MMP16: variants seen among roughly 807,000 people sequenced by gnomAD.
MMP16 encodes matrix metallopeptidase 16, also known as matrix metalloproteinase-16.
Under a neutral mutation model 67.8 loss-of-function variants are expected in MMP16, and 12 were observed. The observed-to-expected ratio is 0.18, with a 90% CI of 0.11 to 0.29. The LOEUF is 0.29. MMP16 is among the 10% of genes least tolerant of loss of function. MMP16 has a pLI of 1.00. For missense variants in MMP16, 475 were observed against 765.7 expected, an observed-to-expected ratio of 0.62 and a Z score of 4.48; for synonymous variants, 249 against 255.9, an observed-to-expected ratio of 0.97 and a Z score of 0.26.
chr8:88,221,856 A>G (rs778799175), intron 1 of MMP16, among the ~76,000 whole-genome samples: 1 of 152,130 alleles, frequency 6.6e-6, no homozygotes, highest in Non-Finnish European at 1.5e-5. Context: ...TGAGACCTAT[A>G]TGAAGTTGAA....
chr8:88,123,781 A>C (rs1458366972), intron 4 of MMP16, among the ~76,000 whole-genome samples: 1 of 151,884 alleles, frequency 6.6e-6, no homozygotes, highest in Non-Finnish European at 1.5e-5. Flanking sequence ...ATAGCTTTGC[A>C]ATACAGAAGC....
chr8:88,133,848 T>C (rs1808075379), intron 4 of MMP16, among the ~76,000 whole-genome samples: 1 of 151,794 alleles, frequency 6.6e-6, no homozygotes. Context: ...ATAATCACTT[T>C]TTGTCATTTT....
intron 6 of MMP16, among the ~76,000 whole-genome samples, chr8:88,109,178 G>T (rs866417717): frequency 1.3e-5 from 2 of 151,242 alleles, no homozygotes; most frequent in African/African-American, 2.4e-5. Context: ...ATTCATTTGT[G>T]TCAAAAATAT....
At chr8:88,214,711 G>A (rs1809561780) in intron 1 of MMP16, among the ~76,000 whole-genome samples, 1 of 152,126 alleles carries the variant, frequency 6.6e-6, no homozygotes. Context: ...TAGTTATCAT[G>A]TTGTATAACT....
chr8:88,243,403 C>T (rs1810061493), intron 1 of MMP16, among the ~76,000 whole-genome samples: 1 of 152,110 alleles, frequency 6.6e-6, no homozygotes, highest in Non-Finnish European at 1.5e-5. Flanking sequence ...GCAACGCCAG[C>T]TCCTGGTCCC....
chr8:88,237,675 CAACA>C (rs1809965456), intron 1 of MMP16, among the ~76,000 whole-genome samples: 1 of 8,954 alleles, frequency 1.1e-4, no homozygotes, highest in Non-Finnish European at 5.9e-3. Context: ...ACAACAACAA[CAACA>C]ACAAAAAACA....
intron 4 of MMP16, among the ~76,000 whole-genome samples, chr8:88,167,002 G>A (rs946831229): frequency 1.3e-5 from 2 of 151,762 alleles, no homozygotes; most frequent in African/African-American, 4.8e-5. Flanking sequence ...ATCACCTCCT[G>A]AGAGTTAGAG....
intron 6 of MMP16, among the ~76,000 whole-genome samples, chr8:88,076,637 T>C (rs568941908): frequency 6.6e-6 from 1 of 152,254 alleles, no homozygotes; most frequent in South Asian, 2.1e-4. Flanking sequence ...AAGAGTTCAC[T>C]GCAAATAAAA....
intron 1 of MMP16, among the ~76,000 whole-genome samples, chr8:88,284,698 C>T (rs994904459): frequency 2.2e-4 from 33 of 152,138 alleles, no homozygotes; most frequent in African/African-American, 7.2e-4. Context: ...TGTACACATT[C>T]GGCCTCTTTC....
intron 4 of MMP16, among the ~76,000 whole-genome samples, chr8:88,138,234 G>A (rs1380837853): frequency 6.6e-6 from 1 of 151,680 alleles, no homozygotes; most frequent in Non-Finnish European, 1.5e-5. Context: ...CTTAAAATTG[G>A]GCAAATCACC....
rs921579131 is a variant in MMP16, at chr8:88,035,216, C to T, written c.*6245G>A. 15 of 151,952 alleles carry T rather than the reference C, an allele frequency of 9.9e-5. 1 individual carries two copies. Among genetic ancestry groups the T allele is most frequent in the South Asian group, 4.1e-4 (2 of 4,822 alleles). 9.4% of individuals were successfully genotyped at this position (151,952 alleles called of 1,614,324 possible). On this transcript the variant is annotated 3_prime_UTR_variant, in exon 10 of 10. Coordinates refer to ENST00000286614, the MANE Select transcript of MMP16 (RefSeq NM_005941.5). This position sits in a 1 kb window ranked among gnomAD's most constrained non-coding sequence, Gnocchi z 4.7. ...AAGTGACCTAACATAAGTATATTTC[C>T]GTATTTATATTTAATTGATTCTTAT...
intron 6 of MMP16, among the ~76,000 whole-genome samples, chr8:88,094,395 T>C (rs1237440345): frequency 6.6e-6 from 1 of 151,734 alleles, no homozygotes; most frequent in African/African-American, 2.4e-5. Context: ...CTAGTGATAT[T>C]GTTCACTGAT....
chr8:88,220,530 A>G (rs575317275), intron 1 of MMP16, among the ~76,000 whole-genome samples: 6 of 146,278 alleles, frequency 4.1e-5, no homozygotes, highest in African/African-American at 1.5e-4. Flanking sequence ...GTATGTGTGC[A>G]TGACTTTTTT....
intron 1 of MMP16, among the ~76,000 whole-genome samples, chr8:88,295,515 C>A (rs978471071): frequency 5.3e-5 from 8 of 152,174 alleles, no homozygotes; most frequent in Non-Finnish European, 7.3e-5. Flanking sequence ...TTCACAGACT[C>A]TCTCAGAGGG....
At chr8:88,158,498 C>G (rs1325179711) in intron 4 of MMP16, among the ~76,000 whole-genome samples, 1 of 152,116 alleles carries the variant, frequency 6.6e-6, no homozygotes, top group Non-Finnish European at 1.5e-5. Flanking sequence ...TATCCTTTGC[C>G]CACTTTTTGA....
intron 6 of MMP16, among the ~76,000 whole-genome samples, chr8:88,112,530 T>G (rs555720671): frequency 6.6e-6 from 1 of 151,890 alleles, no homozygotes; most frequent in Admixed American, 6.6e-5. Context: ...GGACAAAGCT[T>G]CTTTTGTTAT....
At chr8:88,081,472 T>C (rs1226656536) in intron 6 of MMP16, among the ~76,000 whole-genome samples, 1 of 152,102 alleles carries the variant, frequency 6.6e-6, no homozygotes, top group Non-Finnish European at 1.5e-5. Context: ...TAAAAATTGA[T>C]GATGGTCTGG....
At chr8:88,174,184 T>C (rs965909788) in intron 3 of MMP16, among the ~76,000 whole-genome samples, 9 of 152,240 alleles carry the variant, frequency 5.9e-5, no homozygotes, top group Admixed American at 1.3e-4. Context: ...ACTGGAAAAA[T>C]AGAAACTAAT....
intron 2 of MMP16, among the ~76,000 whole-genome samples, chr8:88,188,239 C>T (rs145904238): frequency 2.7e-4 from 41 of 152,114 alleles, no homozygotes; most frequent in African/African-American, 9.2e-4. Flanking sequence ...GGTGTGCCTA[C>T]GATGATTTAA....
Sources: gnomAD v4.1 joint callset for allele counts (sites outside exome capture counted in the v4.1 genomes callset) on GRCh38, gnomAD v4.1.1 for gene constraint, Gnocchi (gnomAD v3.1) non-coding constraint, MANE v1.5 for transcripts, NCBI Gene and HGNC (gene_info 2026-07-23, HGNC 2026-07-21) for gene names.